The following SPATA20 variants were observed in gnomAD, a reference collection of about 807,000 sequenced individuals.
SPATA20 encodes spermatogenesis associated 20, also known as spermatogenesis-associated protein 20.
Under a neutral mutation model 98.9 loss-of-function variants are expected in SPATA20, and 74 were observed. The observed-to-expected ratio is 0.75, with a 90% CI of 0.62 to 0.91. The LOEUF (loss-of-function observed/expected upper bound fraction) is 0.91. Ranked by LOEUF, SPATA20 falls within the 40% of genes least tolerant of loss-of-function variation. The pLI, the probability that SPATA20 is intolerant of heterozygous loss-of-function variation, is 0.00. For synonymous variants in SPATA20, 430 were observed against 440.5 expected (o/e 0.98, Z 0.30); for missense variants, 1,016 against 1,069.8 (o/e 0.95, Z 0.70).
rs750365407 is a variant in SPATA20, at chr17:50,549,164, T to C, written c.638T>C (p.Val213Ala). Residue 213 changes from valine (V) to alanine (A), a missense_variant, in exon 6 of 17, where the codon GTG becomes GCG. Physicochemically the swap from Val to Ala is moderately conservative, Grantham distance 64. Coordinates refer to ENST00000006658, the MANE Select transcript of SPATA20 (RefSeq NM_022827.4). ...DGLTRVGFRT[V>A]LLRIREQWKQ... ...TTGACCCGAGTCGGCTTCCGCACAG[T>C]GTTGCTGAGAATACGAGAACAGGTG... 1.0e-5 allele frequency: 16 copies of C among 1,602,222 alleles called. No homozygotes were observed. In the East Asian group the frequency reaches 2.5e-4, roughly 25 times the overall value.
At chr17:50,549,550 A>T in intron 7 of SPATA20, 63 bp downstream of exon 7, 1 of 1,505,406 alleles carries the variant, frequency 6.6e-7, no homozygotes. Context: ...CTGGTCAGGG[A>T]CCTACTGGCT....
intron 12 of SPATA20, 70 bp downstream of exon 12, chr17:50,551,260 A>G: frequency 7.0e-7 from 1 of 1,423,988 alleles, no homozygotes; most frequent in Non-Finnish European, 9.5e-7. Flanking sequence ...TCTTTCCGGC[A>G]GCGGCTAAAT....
intron 15 of SPATA20, among the ~76,000 whole-genome samples, chr17:50,554,767 G>A (rs574001343): frequency 1.3e-5 from 2 of 152,234 alleles, no homozygotes; most frequent in Admixed American, 6.5e-5. Context: ...GGATGCTGGT[G>A]TGAGTGTTTG....
chr17:50,547,979 C>A, intron 2 of SPATA20: 1 of 1,489,728 alleles, frequency 6.7e-7, no homozygotes, highest in Non-Finnish European at 8.9e-7. Context: ...AAGAATGGAG[C>A]CCCAAGAACC....
Position 50,547,620 on chromosome 17 carries a change from C to G in SPATA20, c.78-100C>G, listed in dbSNP as rs1353054245. Reference sequence around the variant, plus strand: ...GGCCTTTCTCCAATAGTACCCTGTGCCCTGTCACAGTCCTTTATTGCTGCA... The same window carrying G: ...GGCCTTTCTCCAATAGTACCCTGTGGCCTGTCACAGTCCTTTATTGCTGCA... On this transcript the variant is annotated intron_variant, in intron 1 of 16. Coordinates refer to ENST00000006658, the MANE Select transcript of SPATA20 (RefSeq NM_022827.4). The G allele has an allele frequency of 6.6e-6, 5 of 761,944 alleles. No individual in the cohort carries two copies. In the Middle Eastern group the frequency reaches 6.7e-4, roughly 103 times the overall value. The allele number at this position is 761,944 out of a possible 1,614,324, so 47.2% of individuals were successfully genotyped here.
intron 1 of SPATA20, 137 bp from the exon 2 acceptor site, chr17:50,547,583 T>G: frequency 1.4e-6 from 1 of 720,784 alleles, no homozygotes; most frequent in South Asian, 1.5e-5. Flanking sequence ...CAGTGCTGGA[T>G]GCTGGGTCAA....
At position 50,547,257 on chromosome 17, in the gene SPATA20, G is replaced by A. The variant is rs369454997; in HGVS notation, c.49G>A (p.Ala17Thr). 7.3e-6 allele frequency: 10 copies of A among 1,374,850 alleles called. No homozygotes were observed. Among genetic ancestry groups the A allele is most frequent in the Middle Eastern group, 2.7e-4 (1 of 3,752 alleles). 85.2% of individuals were successfully genotyped at this position (1,374,850 alleles called of 1,614,324 possible). ...GGGCCGCGTCCTTCTGCTGCCCCGC[G>A]CCGGTGCAGGCCTCGCCGCGAGCCG... ...WLGRVLLLPR[A>T]GAGLAASRRC... Residue 17 changes from alanine to threonine, a missense_variant, in exon 1 of 17, where the codon GCC becomes ACC. Ala to Thr is a moderately conservative substitution (Grantham distance 58). Coordinates refer to ENST00000006658, the MANE Select transcript of SPATA20 (RefSeq NM_022827.4).
chr17:50,551,847 G>A, intron 13 of SPATA20, 122 bp from the exon 14 acceptor site: 1 of 1,190,438 alleles, frequency 8.4e-7, no homozygotes, highest in Non-Finnish European at 1.2e-6. Flanking sequence ...TGGGCTGATG[G>A]CACCTGCCCA....
Position 50,550,569 on chromosome 17 carries a change from A to C in SPATA20, c.1132A>C (p.Lys378Gln). 1 of 1,614,164 alleles carries C rather than the reference A, an allele frequency of 6.2e-7. No individual in the cohort carries two copies. The highest frequency in any genetic ancestry group is 2.2e-5 in the East Asian group (1 of 44,874). Residue 378 changes from lysine to glutamine, a missense_variant, in exon 10 of 17, where the codon AAA becomes CAA. By Grantham distance (53) the Lys-to-Gln change is moderately conservative. Transcript: ENST00000006658. ...SGDEFYSDVA[K>Q]GILQYVARSL... ...TGATGAATTCTACTCTGACGTGGCC[A>C]AAGGCATCCTGCAGTACGTGGCTCG... is the stretch of plus-strand genomic sequence containing the variant.
chr17:50,555,429 C>T (rs906617271), intron 16 of SPATA20, 63 bp from the exon 17 acceptor site: 13 of 1,605,700 alleles, frequency 8.1e-6, no homozygotes, highest in Admixed American at 1.7e-5. Flanking sequence ...CCCAGTGGGC[C>T]TTTCTAATGG....
At chr17:50,555,439 G>C in intron 16 of SPATA20, 53 bp from the exon 17 acceptor site, 3 of 1,608,198 alleles carry the variant, frequency 1.9e-6, no homozygotes, top group Non-Finnish European at 2.6e-6. Flanking sequence ...CTTTCTAATG[G>C]GCAGGTGACC....
At position 50,550,543 on chromosome 17, in the gene SPATA20, G is replaced by A. The variant is rs2034995055; in HGVS notation, c.1106G>A (p.Gly369Asp). 3 of 1,613,938 alleles carry A rather than the reference G, an allele frequency of 1.9e-6. No individual in the cohort carries two copies. Among genetic ancestry groups the A allele is most frequent in the Admixed American group, 1.7e-5 (1 of 60,016 alleles). ...CTTTCTTCCCTTTCTTAGCTCTCTG[G>A]TGATGAATTCTACTCTGACGTGGCC... Reference protein sequence around the residue: ...VAYSQAFQLSGDEFYSDVAKG... With the variant: ...VAYSQAFQLSDDEFYSDVAKG... The change falls in exon 10 of 17, where the codon GGT (glycine) becomes GAT (aspartate). Residue 369 changes from glycine to aspartate, a missense_variant. Transcript: ENST00000006658.
At chr17:50,548,238 G>C in intron 2 of SPATA20, 45 bp from the exon 3 acceptor site, 1 of 1,598,778 alleles carries the variant, frequency 6.3e-7, no homozygotes, top group Non-Finnish European at 8.5e-7. Flanking sequence ...CTGGGAGAAG[G>C]TGGGTGGAGG....
intron 4 of SPATA20, 30 bp downstream of exon 4, chr17:50,548,648 G>A: frequency 6.2e-7 from 1 of 1,608,936 alleles, no homozygotes; most frequent in Admixed American, 1.7e-5. Flanking sequence ...TGATGTGGGG[G>A]TGTGGGCAGG....
Position 50,548,855 on chromosome 17 carries a change from C to G in SPATA20, c.407C>G (p.Ser136Cys). ...CHWCHMMEEE[S>C]FQNEEIGRLL... ...TGGTGCCACATGATGGAAGAGGAGT[C>G]CTTCCAGAATGAGGAGATTGGCCGC... Residue 136 changes from serine to cysteine, a missense_variant, in exon 5 of 17, where the codon TCC becomes TGC. Transcript: ENST00000006658. 6.2e-7 allele frequency: 1 copy of G among 1,614,094 alleles called. No individual in the cohort carries two copies. Among genetic ancestry groups the G allele is most frequent in the African/African-American group, 1.3e-5 (1 of 75,026 alleles).
rs1365516147 is a variant in SPATA20, at chr17:50,552,594, C to T, written c.1957+414C>T. Among the ~76,000 whole-genome samples, 106 of 126,824 alleles carry T rather than the reference C, an allele frequency of 8.4e-4. 2 individuals carry two copies. The highest frequency in any genetic ancestry group is 2.1e-4 in the Non-Finnish European group (13 of 63,220). 83.2% of individuals were successfully genotyped at this position (126,824 alleles called of 152,430 possible). On this transcript the variant is annotated intron_variant, in intron 14 of 16. Transcript: ENST00000006658. ...TTTTTTTTTTTTTGAGACAGGGTCT[C>T]ACTGTCACCCAGGCTGGAATGCAGT...
intron 14 of SPATA20, 101 bp downstream of exon 14, chr17:50,552,281 G>A: frequency 2.1e-6 from 2 of 943,548 alleles, no homozygotes; most frequent in Non-Finnish European, 3.2e-6. Flanking sequence ...TTGTGTCTCT[G>A]CTACTTATTA....
At chr17:50,551,809 C>G (rs760234001) in intron 13 of SPATA20, 130 bp downstream of exon 13, 3 of 1,244,016 alleles carry the variant, frequency 2.4e-6, no homozygotes, top group Non-Finnish European at 2.2e-6. Context: ...TTTGTAGCTT[C>G]CCTGGGCCCA....
In SPATA20 at chr17:50,553,520, C is replaced by A. The variant is rs1168861379; in HGVS notation, c.1958-731C>A. Among the ~76,000 whole-genome samples, 5 of 150,938 alleles carry A rather than the reference C, an allele frequency of 3.3e-5. No individual in the cohort carries two copies. In the East Asian group the frequency reaches 7.8e-4, roughly 23 times the overall value. On this transcript the variant is annotated intron_variant, in intron 14 of 16. Coordinates refer to ENST00000006658, the MANE Select transcript of SPATA20 (RefSeq NM_022827.4). ...AGGGCCCGCGTGTTCCAGGAGGGCA[C>A]CGAGGAGAATGCTGAGGCCGGCAGG...
Sources: allele counts gnomAD v4.1 joint callset (sites outside exome capture counted in the v4.1 genomes callset), GRCh38; gene constraint gnomAD v4.1.1; transcripts MANE v1.5; gene names NCBI Gene and HGNC (gene_info 2026-07-23, HGNC 2026-07-21).